HMGB1: variants seen among roughly 807,000 people sequenced by gnomAD.
HMGB1 encodes high mobility group protein B1.
For synonymous variants in HMGB1, 81 were observed against 84.0 expected (o/e 0.96, Z 0.19); for missense variants, 79 against 253.5 (o/e 0.31, Z 4.67).
At chr13:30,555,041 T>TTG (rs1405739322) in intron 1 of HMGB1, among the ~76,000 whole-genome samples, 32 of 134,996 alleles carry the variant, frequency 2.4e-4, no homozygotes, top group East Asian at 1.3e-3. Context: ...GTGTTTTTTT[T>TTG]TTTTTTTTTT....
In HMGB1 at chr13:30,460,879, A is replaced by G; in HGVS notation, c.*478T>C. The G allele has an allele frequency of 1.8e-6, 1 of 549,504 alleles. No homozygotes were observed. Among genetic ancestry groups the G allele is most frequent in the Non-Finnish European group, 2.3e-6 (1 of 431,624 alleles). 34.0% of individuals were successfully genotyped at this position (549,504 alleles called of 1,614,324 possible). On this transcript the variant is annotated 3_prime_UTR_variant, in exon 5 of 5. Coordinates refer to ENST00000341423, the MANE Select transcript of HMGB1 (RefSeq NM_002128.7). ...CAAGAAGAAAAATTTCAGACCTATGAAAAGGACAACAATACTAATAAAAAA... is the reference window on the plus strand; with the variant it reads ...CAAGAAGAAAAATTTCAGACCTATGGAAAGGACAACAATACTAATAAAAAA...
chr13:30,473,311 A>G (rs1261314160), intron 1 of HMGB1, among the ~76,000 whole-genome samples: 1 of 152,228 alleles, frequency 6.6e-6, no homozygotes, highest in Non-Finnish European at 1.5e-5. Context: ...TAAGTTCTCT[A>G]GAATTGGATG....
At chr13:30,530,291 G>T (rs1185176191) in intron 1 of HMGB1, among the ~76,000 whole-genome samples, 3 of 152,124 alleles carry the variant, frequency 2.0e-5, no homozygotes, top group Non-Finnish European at 4.4e-5. Flanking sequence ...TTAGATTTGG[G>T]TCCCATGCCC....
chr13:30,500,486 C>G (rs373759880), intron 1 of HMGB1, among the ~76,000 whole-genome samples: 6 of 151,186 alleles, frequency 4.0e-5, no homozygotes, highest in Non-Finnish European at 5.9e-5. Context: ...CCTCCCCACT[C>G]AGCCTCCCAA....
At chr13:30,574,839 G>A (rs964525913) in intron 1 of HMGB1, among the ~76,000 whole-genome samples, 2 of 152,150 alleles carry the variant, frequency 1.3e-5, no homozygotes, top group Non-Finnish European at 2.9e-5. Flanking sequence ...ATGCTAACCA[G>A]ACTTTTTAAT....
chr13:30,505,744 G>A (rs750987833), intron 1 of HMGB1, among the ~76,000 whole-genome samples: 1 of 152,136 alleles, frequency 6.6e-6, no homozygotes, highest in Non-Finnish European at 1.5e-5. Flanking sequence ...TAGTGGATTA[G>A]TGTGAAGCAA....
In HMGB1 at chr13:30,457,888, A is replaced by ACCTT. The variant is rs5802567; in HGVS notation, c.*3468_*3469insAAGG. 112,031 of 151,874 alleles carry ACCTT rather than the reference A, an allele frequency of 0.74. 41,476 individuals are homozygous for ACCTT. Among genetic ancestry groups the ACCTT allele is most frequent in the Middle Eastern group, 0.87 (255 of 294 alleles). The allele number at this position is 151,874 out of a possible 1,614,324, so 9.4% of individuals were successfully genotyped here. The stretch of plus-strand genomic sequence containing the variant: ...TATTAAGAGGACAAGAAAATGAACC[A>ACCTT]CCATCTTTTGCTGGATAGACAATCA... On this transcript the variant is annotated 3_prime_UTR_variant, in exon 5 of 5. Coordinates refer to ENST00000341423, the MANE Select transcript of HMGB1 (RefSeq NM_002128.7).
chr13:30,616,415 C>A (rs1273799117), intron 1 of HMGB1, among the ~76,000 whole-genome samples: 1 of 152,170 alleles, frequency 6.6e-6, no homozygotes, highest in Non-Finnish European at 1.5e-5. Flanking sequence ...TTAACTGAAC[C>A]AATTGTTTTG....
In HMGB1 at chr13:30,538,623, C is replaced by CTCTT. The variant is rs757892291; in HGVS notation, c.-14-74933_-14-74930dup. Among the ~76,000 whole-genome samples the CTCTT allele has an allele frequency of 2.7e-3, 260 of 94,792 alleles. 15 individuals carry two copies. The highest frequency in any genetic ancestry group is 8.5e-3 in the Admixed American group (82 of 9,666). The allele number at this position is 94,792 out of a possible 152,430, so 62.2% of individuals were successfully genotyped here. On this transcript the variant is annotated intron_variant, in intron 1 of 4. Coordinates refer to the HMGB1 transcript ENST00000405805. ...TTTTTCTTTCTTTCTCTTTCTCTCT[C>CTCTT]TCTTTCTTTTTCTTTCTTCCTTTCT...
intron 1 of HMGB1, among the ~76,000 whole-genome samples, chr13:30,485,196 T>C (rs908274612): frequency 6.6e-6 from 1 of 152,142 alleles, no homozygotes; most frequent in East Asian, 1.9e-4. Context: ...CACGCCCAGT[T>C]AATTTTTGTA....
chr13:30,519,232 A>G (rs1888170515), intron 1 of HMGB1, among the ~76,000 whole-genome samples: 1 of 151,702 alleles, frequency 6.6e-6, no homozygotes, highest in African/African-American at 2.4e-5. Flanking sequence ...GTCTCTATTA[A>G]AAATACAAAA....
intron 1 of HMGB1, among the ~76,000 whole-genome samples, chr13:30,510,909 T>G (rs187407955): frequency 1.3e-5 from 2 of 152,200 alleles, no homozygotes; most frequent in African/African-American, 4.8e-5. Flanking sequence ...TTCTTCAAAA[T>G]GTATTGTGTA....
chr13:30,481,235 T>C (rs547005671), intron 1 of HMGB1, among the ~76,000 whole-genome samples: 1 of 150,300 alleles, frequency 6.7e-6, no homozygotes, highest in Non-Finnish European at 1.5e-5. Context: ...GAACTTTCGA[T>C]CTTTTTCAGA....
chr13:30,575,273 T>C (rs1200648110), intron 1 of HMGB1, among the ~76,000 whole-genome samples: 1 of 152,164 alleles, frequency 6.6e-6, no homozygotes, highest in East Asian at 1.9e-4. Context: ...AAGTGAGAAA[T>C]ACAGCTCGAA....
chr13:30,575,041 CA>C (rs1444674547), intron 1 of HMGB1, among the ~76,000 whole-genome samples: 1 of 151,938 alleles, frequency 6.6e-6, no homozygotes, highest in African/African-American at 2.4e-5. Context: ...TAAAATCTAC[CA>C]AAAATATAAA....
At chr13:30,475,118 GTCTC>G (rs201116510) in intron 1 of HMGB1, among the ~76,000 whole-genome samples, 2,646 of 40,752 alleles carry the variant, frequency 0.065, 138 homozygotes, top group Middle Eastern at 0.22. Flanking sequence ...TTGGCTCACT[GTCTC>G]TCTCTCTCTC....
chr13:30,595,554 G>A (rs1400912827), intron 1 of HMGB1, among the ~76,000 whole-genome samples: 1 of 152,208 alleles, frequency 6.6e-6, no homozygotes, highest in Non-Finnish European at 1.5e-5. Context: ...AACTTTAGTA[G>A]CTTGAAACAA....
intron 1 of HMGB1, among the ~76,000 whole-genome samples, chr13:30,484,212 C>T (rs1168215863): frequency 2.0e-5 from 3 of 152,176 alleles, no homozygotes; most frequent in Non-Finnish European, 1.5e-5. Flanking sequence ...TCTCCAGGGC[C>T]AGGGTCTGTA....
intron 1 of HMGB1, among the ~76,000 whole-genome samples, chr13:30,512,580 CCCCCTGCAGA>C (rs1220505626): frequency 6.6e-6 from 1 of 152,216 alleles, no homozygotes; most frequent in Non-Finnish European, 1.5e-5. Context: ...AGTTGCAGAT[CCCCCTGCAGA>C]CCAAATGCAT....
Sources: allele counts gnomAD v4.1 joint callset (sites outside exome capture counted in the v4.1 genomes callset), GRCh38; gene constraint gnomAD v4.1.1; transcripts MANE v1.5; gene names NCBI Gene and HGNC (gene_info 2026-07-23, HGNC 2026-07-21).